Variants in ZDHHC20 observed in about 807,000 individuals in gnomAD.
The protein encoded by ZDHHC20 is zDHHC palmitoyltransferase 20, also known as palmitoyltransferase ZDHHC20.
ZDHHC20 carries 43 observed loss-of-function variants against 57.8 expected under a neutral mutation model. The ratio of observed to expected loss-of-function variants is 0.74; its 90% confidence interval spans 0.58 to 0.96. The LOEUF (loss-of-function observed/expected upper bound fraction) is 0.96, where lower values mean the gene tolerates loss of function less well. ZDHHC20 is among the 40% of genes least tolerant of loss of function. The pLI, the probability that ZDHHC20 is intolerant of heterozygous loss-of-function variation, is 0.00. For synonymous variants in ZDHHC20, 157 were observed against 153.0 expected, an observed-to-expected ratio of 1.03 and a Z score of -0.19; for missense variants, 391 against 441.1, an observed-to-expected ratio of 0.89 and a Z score of 1.02.
rs868539447 is a variant in ZDHHC20 at position 21,448,220 on chromosome 13, T to C, written c.118+10834A>G. 5.0e-3 allele frequency among the ~76,000 whole-genome samples: 174 copies of C among 34,722 alleles called. 1 individual carries two copies. The highest frequency in any genetic ancestry group is 9.1e-3 in the East Asian group (17 of 1,860). 22.8% of individuals were successfully genotyped at this position (34,722 alleles called of 152,430 possible). On this transcript the variant is annotated intron_variant, in intron 1 of 12. Coordinates refer to ENST00000400590, the MANE Select transcript of ZDHHC20 (RefSeq NM_001330059.2). Reference sequence around the variant, plus strand: ...GGGGTCAGCCCCCCGCCCGGCCAGCTGCCCCATCCGGGAGGTGAGGGGCGC... The same window carrying C: ...GGGGTCAGCCCCCCGCCCGGCCAGCCGCCCCATCCGGGAGGTGAGGGGCGC...
chr13:21,445,373 T>C (rs1309556012), intron 1 of ZDHHC20, among the ~76,000 whole-genome samples: 1 of 152,122 alleles, frequency 6.6e-6, no homozygotes, highest in Non-Finnish European at 1.5e-5. Context: ...CACAAAATAA[T>C]GCTAATAATC....
rs552812212 is a variant in ZDHHC20 at position 21,375,427 on chromosome 13, T to C, written c.*1269A>G. On this transcript the variant is annotated 3_prime_UTR_variant, in exon 13 of 13. Transcript: ENST00000400590. ...TTCTACATTGTTTATTCTGTACTTT[T>C]CCTTGGAGTTAATGCAACACCTCCT... is the stretch of plus-strand genomic sequence containing the variant. The C allele has an allele frequency of 3.7e-6, 1 of 268,300 alleles. No homozygotes were observed. The highest frequency in any genetic ancestry group is 7.3e-6 in the Non-Finnish European group (1 of 136,756). 16.6% of individuals were successfully genotyped at this position (268,300 alleles called of 1,614,324 possible).
intron 2 of ZDHHC20, among the ~76,000 whole-genome samples, chr13:21,423,148 T>C (rs954173174): frequency 3.3e-5 from 5 of 152,216 alleles, no homozygotes; most frequent in Admixed American, 6.5e-5. Context: ...GCTAAAATTA[T>C]AGTTTCCTCC....
At chr13:21,419,365 T>A (rs1880382255) in intron 3 of ZDHHC20, among the ~76,000 whole-genome samples, 1 of 152,206 alleles carries the variant, frequency 6.6e-6, no homozygotes, top group African/African-American at 2.4e-5. Flanking sequence ...TAGGCATCTA[T>A]CCAAAAGAAC....
At chr13:21,443,306 C>A (rs547229983) in intron 1 of ZDHHC20, among the ~76,000 whole-genome samples, 1 of 152,234 alleles carries the variant, frequency 6.6e-6, no homozygotes, top group Non-Finnish European at 1.5e-5. Flanking sequence ...AGTTGCTATG[C>A]TCTGATCCAC....
chr13:21,388,560 CCTT>C lies in ZDHHC20; in HGVS notation c.728-929_728-927del, dbSNP rs199892101. 8.8e-3 allele frequency among the ~76,000 whole-genome samples: 1,342 copies of C among 152,126 alleles called. 22 individuals are homozygous for C. Among genetic ancestry groups the C allele is most frequent in the African/African-American group, 0.03 (1,234 of 41,494 alleles). Reference sequence around the variant, plus strand: ...TGAAGATGAGAGTTTACTTGTGACTCCTTCTAATTTTTCTACTAGGAACTCATA... The same window carrying C: ...TGAAGATGAGAGTTTACTTGTGACTCCTAATTTTTCTACTAGGAACTCATA... On this transcript the variant is annotated intron_variant, in intron 8 of 12. Transcript: ENST00000400590.
chr13:21,404,322 A>G (rs775560539), intron 4 of ZDHHC20: 5 of 502,852 alleles, frequency 9.9e-6, no homozygotes, highest in African/African-American at 1.9e-5. Context: ...GCTCCTTTCT[A>G]TTTTGTAGAC....
intron 3 of ZDHHC20, among the ~76,000 whole-genome samples, chr13:21,420,451 C>A (rs1413364421): frequency 1.3e-5 from 2 of 152,192 alleles, no homozygotes; most frequent in African/African-American, 4.8e-5. Flanking sequence ...CAAACTCAGA[C>A]AACTCTAACT....
At chr13:21,397,694 C>G (rs1252383893) in intron 7 of ZDHHC20, among the ~76,000 whole-genome samples, 1 of 151,988 alleles carries the variant, frequency 6.6e-6, no homozygotes, top group Non-Finnish European at 1.5e-5. Flanking sequence ...AGATTAGTAT[C>G]TTTAATATAA....
At chr13:21,429,148 G>C (rs949322863) in intron 1 of ZDHHC20, among the ~76,000 whole-genome samples, 1 of 151,992 alleles carries the variant, frequency 6.6e-6, no homozygotes, top group Non-Finnish European at 1.5e-5. Flanking sequence ...CAGTATACTT[G>C]TATCTACTAT....
chr13:21,434,120 G>C (rs1484633247), intron 1 of ZDHHC20, among the ~76,000 whole-genome samples: 1 of 152,084 alleles, frequency 6.6e-6, no homozygotes, highest in African/African-American at 2.4e-5. Flanking sequence ...GTGTCTGTGT[G>C]TGTGCGTGCA....
intron 1 of ZDHHC20, among the ~76,000 whole-genome samples, chr13:21,430,331 T>A (rs1881765072): frequency 6.6e-6 from 1 of 151,968 alleles, no homozygotes. Context: ...TAGAGGTGCC[T>A]CCTTAGTGCT....
chr13:21,401,865 G>A (rs1393747209), intron 5 of ZDHHC20, among the ~76,000 whole-genome samples, 180 bp from the exon 6 acceptor site: 4 of 152,180 alleles, frequency 2.6e-5, no homozygotes, highest in African/African-American at 9.6e-5. Flanking sequence ...TAGGTAAAAA[G>A]TCATGATTTT....
chr13:21,424,890 C>T (rs538438355), intron 2 of ZDHHC20, among the ~76,000 whole-genome samples: 9 of 152,098 alleles, frequency 5.9e-5, no homozygotes, highest in South Asian at 2.1e-4. Context: ...ATTGAGTCTG[C>T]GTTTATTCTG....
At chr13:21,412,018 G>T (rs1879281935) in intron 4 of ZDHHC20, among the ~76,000 whole-genome samples, 1 of 152,200 alleles carries the variant, frequency 6.6e-6, no homozygotes, top group South Asian at 2.1e-4. Flanking sequence ...TACAAACGCT[G>T]GATTGAAGGG....
chr13:21,380,437 C>T lies in ZDHHC20; in HGVS notation c.1060+997G>A, dbSNP rs115768664. The stretch of plus-strand genomic sequence containing the variant: ...CCAGTGTGCTCTTTTTTAACTAAGG[C>T]AGCAAAGGATGTAATGCTTTTCAAG... On this transcript the variant is annotated intron_variant, in intron 11 of 12. Transcript: ENST00000400590. 4.5e-3 allele frequency among the ~76,000 whole-genome samples: 691 copies of T among 151,970 alleles called. 2 individuals are homozygous for T. Among genetic ancestry groups the T allele is most frequent in the African/African-American group, 0.016 (651 of 41,502 alleles).
intron 8 of ZDHHC20, 39 bp from the exon 9 acceptor site, chr13:21,387,673 T>C (rs188300596): frequency 2.4e-6 from 3 of 1,265,142 alleles, no homozygotes; most frequent in South Asian, 5.6e-5. Flanking sequence ...AATTAATCTA[T>C]TTAAAAATTA....
At chr13:21,399,933 T>C (rs2137786898) in intron 7 of ZDHHC20, among the ~76,000 whole-genome samples, 2 of 152,184 alleles carry the variant, frequency 1.3e-5, no homozygotes, top group African/African-American at 4.8e-5. Context: ...TTGATTGTTT[T>C]CATTCATTTG....
rs768075592 is a variant in ZDHHC20 at position 21,413,786 on chromosome 13, G to C, written c.250-14C>G. On this transcript the variant is annotated splice_polypyrimidine_tract_variant and intron_variant, in intron 3 of 12. Coordinates refer to ENST00000400590, the MANE Select transcript of ZDHHC20 (RefSeq NM_001330059.2). ...GGACAAGTAGAACTATAAAAGGAAAGAGGACTATTAAATTTTTTTAATCCC... is the reference window on the plus strand; with the variant it reads ...GGACAAGTAGAACTATAAAAGGAAACAGGACTATTAAATTTTTTTAATCCC... 6.3e-7 allele frequency: 1 copy of C among 1,594,244 alleles called. No individual in the cohort carries two copies. Among genetic ancestry groups the C allele is most frequent in the Non-Finnish European group, 8.5e-7 (1 of 1,172,692 alleles).
Sources: gnomAD v4.1 joint callset for allele counts (sites outside exome capture counted in the v4.1 genomes callset) on GRCh38, gnomAD v4.1.1 for gene constraint, MANE v1.5 for transcripts, NCBI Gene and HGNC (gene_info 2026-07-23, HGNC 2026-07-21) for gene names.